The following ERC2 variants were observed in gnomAD, a reference collection of about 807,000 sequenced individuals.
ERC2 encodes ERC protein 2.
A neutral mutation model predicts 114.8 loss-of-function variants in ERC2; 42 were observed. The observed-to-expected ratio is 0.37, with a 90% CI of 0.29 to 0.47. The LOEUF is 0.47. Among genes scored for constraint, ERC2 ranks in the 20% least tolerant of loss-of-function variants. The pLI, the probability that ERC2 is intolerant of heterozygous loss-of-function variation, is 0.99. For synonymous variants in ERC2, 454 were observed against 425.5 expected (o/e 1.07, Z -0.82); for missense variants, 939 against 1,150.7 (o/e 0.82, Z 2.66).
chr3:55,650,837 G>C (rs1380733732), intron 17 of ERC2, among the ~76,000 whole-genome samples: 5 of 96,962 alleles, frequency 5.2e-5, no homozygotes, highest in Non-Finnish European at 9.7e-5. Flanking sequence ...GCCTCTCATA[G>C]GGTGTTTTTT....
Position 55,746,031 on chromosome 3 carries a change from C to T in ERC2, c.2565-11113G>A, listed in dbSNP as rs147872413. ...GCCTACATCTTGAACTACATATTTCCCTTCTTAATTTGAATATTTTGTGTT... is the reference window on the plus strand; with the variant it reads ...GCCTACATCTTGAACTACATATTTCTCTTCTTAATTTGAATATTTTGTGTT... On this transcript the variant is annotated intron_variant, in intron 14 of 17. Transcript: ENST00000288221. Among the ~76,000 whole-genome samples, 345 of 152,232 alleles carry T rather than the reference C, an allele frequency of 2.3e-3. 2 individuals are homozygous for T. The highest frequency in any genetic ancestry group is 7.6e-3 in the African/African-American group (314 of 41,530).
intron 2 of ERC2, among the ~76,000 whole-genome samples, chr3:56,302,999 G>A (rs181020066): frequency 1.3e-5 from 2 of 152,330 alleles, no homozygotes; most frequent in Admixed American, 6.5e-5. Flanking sequence ...CTCCTCAAGT[G>A]CAAAGTGAGT....
At chr3:56,081,558 T>C (rs527656999) in intron 6 of ERC2, among the ~76,000 whole-genome samples, 4 of 151,598 alleles carry the variant, frequency 2.6e-5, no homozygotes, top group African/African-American at 9.7e-5. Flanking sequence ...CCAAATACTT[T>C]TAAAGAAAAA....
intron 3 of ERC2, among the ~76,000 whole-genome samples, chr3:56,244,373 T>C (rs1274377883): frequency 6.6e-6 from 1 of 152,216 alleles, no homozygotes; most frequent in Non-Finnish European, 1.5e-5. Flanking sequence ...ATCTTGATTT[T>C]GGAGTGTGCT....
At chr3:55,680,643 G>C (rs1205349365) in intron 17 of ERC2, among the ~76,000 whole-genome samples, 1 of 152,190 alleles carries the variant, frequency 6.6e-6, no homozygotes, top group Non-Finnish European at 1.5e-5. Flanking sequence ...TGTGGGGTTT[G>C]GGGGGTTGGT....
At chr3:55,889,986 C>T (rs1334492284) in intron 13 of ERC2, among the ~76,000 whole-genome samples, 10 of 152,072 alleles carry the variant, frequency 6.6e-5, no homozygotes, top group Non-Finnish European at 1.5e-4. Context: ...ACTGAATGAT[C>T]ATGTAGTTTA....
At chr3:56,454,195 A>G (rs914454092) in intron 1 of ERC2, among the ~76,000 whole-genome samples, 1 of 152,218 alleles carries the variant, frequency 6.6e-6, no homozygotes, top group African/African-American at 2.4e-5. Context: ...ACTTGCAATT[A>G]AAAGGCAACT....
At chr3:56,400,075 G>A (rs1262578451) in intron 2 of ERC2, among the ~76,000 whole-genome samples, 1 of 151,614 alleles carries the variant, frequency 6.6e-6, no homozygotes, top group African/African-American at 2.4e-5. Flanking sequence ...AACACTGCCT[G>A]AATATTTGGT....
chr3:55,921,486 T>C (rs140031081), intron 13 of ERC2, among the ~76,000 whole-genome samples: 1 of 152,210 alleles, frequency 6.6e-6, no homozygotes, highest in Non-Finnish European at 1.5e-5. Flanking sequence ...CTACTGGGAA[T>C]TCTCAATATG....
intron 7 of ERC2, among the ~76,000 whole-genome samples, chr3:56,020,019 T>C (rs532123576): frequency 7.2e-5 from 11 of 152,318 alleles, no homozygotes; most frequent in African/African-American, 2.6e-4. Flanking sequence ...AATTTTTTGA[T>C]TACTTGATTC....
intron 3 of ERC2, among the ~76,000 whole-genome samples, chr3:56,288,873 G>A (rs1259954178): frequency 1.3e-5 from 2 of 152,204 alleles, no homozygotes. Flanking sequence ...ACTCGGGAAA[G>A]AGGCACAAAG....
chr3:55,954,976 C>T (rs539880730), intron 12 of ERC2, among the ~76,000 whole-genome samples: 43 of 151,924 alleles, frequency 2.8e-4, no homozygotes, highest in African/African-American at 9.9e-4. Flanking sequence ...AAATCAGGCT[C>T]GCTAAAAAGA....
At chr3:56,369,578 C>T (rs1012573788) in intron 2 of ERC2, among the ~76,000 whole-genome samples, 1 of 152,178 alleles carries the variant, frequency 6.6e-6, no homozygotes, top group Admixed American at 6.5e-5. Context: ...CTTAGAGATT[C>T]GAAGATGTAA....
At chr3:56,355,975 A>G (rs945898073) in intron 2 of ERC2, among the ~76,000 whole-genome samples, 6 of 152,160 alleles carry the variant, frequency 3.9e-5, no homozygotes, top group African/African-American at 1.4e-4. Context: ...CCAATTAGTG[A>G]GACCATATAC....
At chr3:56,274,499 A>C (rs2053863896) in intron 3 of ERC2, among the ~76,000 whole-genome samples, 1 of 119,054 alleles carries the variant, frequency 8.4e-6, no homozygotes, top group Non-Finnish European at 1.9e-5. Flanking sequence ...CTGTATTTTC[A>C]ATCTGCATTT....
intron 2 of ERC2, among the ~76,000 whole-genome samples, chr3:56,385,341 T>C (rs1005221809): frequency 6.6e-6 from 1 of 152,048 alleles, no homozygotes; most frequent in Non-Finnish European, 1.5e-5. Flanking sequence ...ACTAATTCCA[T>C]TCATGAGGGC....
At chr3:55,531,266 C>A (rs2053647139) in intron 17 of ERC2, among the ~76,000 whole-genome samples, 1 of 152,106 alleles carries the variant, frequency 6.6e-6, no homozygotes, top group Non-Finnish European at 1.5e-5. Context: ...GGCAAGACTC[C>A]CATTGGTTAC....
intron 17 of ERC2, among the ~76,000 whole-genome samples, chr3:55,555,979 TGA>T (rs1332629847): frequency 1.3e-5 from 2 of 152,170 alleles, no homozygotes; most frequent in African/African-American, 4.8e-5. Context: ...GCCCCACGAC[TGA>T]GCTCACAGCA....
chr3:55,910,294 AG>A (rs556631515), intron 13 of ERC2, among the ~76,000 whole-genome samples: 35 of 152,212 alleles, frequency 2.3e-4, no homozygotes, highest in African/African-American at 7.9e-4. Flanking sequence ...CCGGAGGCTG[AG>A]GCACAAAAAT....
Sources: gnomAD v4.1 joint callset for allele counts (sites outside exome capture counted in the v4.1 genomes callset) on GRCh38, gnomAD v4.1.1 for gene constraint, MANE v1.5 for transcripts, NCBI Gene and HGNC (gene_info 2026-07-23, HGNC 2026-07-21) for gene names.